Variants in GNAQ observed in about 807,000 individuals in gnomAD.
GNAQ encodes G protein subunit alpha q.
A neutral mutation model predicts 43.9 loss-of-function variants in GNAQ; 8 were observed. The ratio of observed to expected loss-of-function variants is 0.18; its 90% confidence interval spans 0.11 to 0.33. The LOEUF is 0.33. Among genes scored for constraint, GNAQ ranks in the 10% least tolerant of loss-of-function variants. GNAQ has a pLI of 1.00. For missense variants in GNAQ, 158 were observed against 450.8 expected (o/e 0.35, Z 5.88); for synonymous variants, 155 against 170.7 (o/e 0.91, Z 0.71).
At position 78,012,993 on chromosome 9, in the gene GNAQ, CAA is replaced by C. The variant is rs575530074; in HGVS notation, c.136+18105_136+18106del. ...TTAACTTGATGCTAGCAGAGATGGACAAAAGACAGTGAAGAAAGGGGGCGTAA... is the reference window on the plus strand; with the variant it reads ...TTAACTTGATGCTAGCAGAGATGGACAAGACAGTGAAGAAAGGGGGCGTAA... On this transcript the variant is annotated intron_variant, in intron 1 of 6. Transcript: ENST00000286548. Among the ~76,000 whole-genome samples, 241 of 151,974 alleles carry C rather than the reference CAA, an allele frequency of 1.6e-3. 1 individual carries two copies. Among genetic ancestry groups the C allele is most frequent in the African/African-American group, 5.5e-3 (229 of 41,416 alleles).
chr9:77,940,975 A>T (rs1829308039), intron 1 of GNAQ, among the ~76,000 whole-genome samples: 1 of 152,200 alleles, frequency 6.6e-6, no homozygotes. Context: ...AAAAAAAAAA[A>T]ATTTGCAAGT....
At chr9:78,017,955 T>G in intron 1 of GNAQ, among the ~76,000 whole-genome samples, 1 of 152,184 alleles carries the variant, frequency 6.6e-6, no homozygotes, top group East Asian at 1.9e-4. Context: ...CTAATAATAT[T>G]GTTCATGATG....
chr9:77,829,157 T>C (rs1248649817), intron 2 of GNAQ, among the ~76,000 whole-genome samples: 1 of 152,180 alleles, frequency 6.6e-6, no homozygotes, highest in Admixed American at 6.5e-5. Context: ...GTGTTATCAA[T>C]AGTAGGGGCT....
At chr9:77,834,406 A>G (rs1353607132) in intron 2 of GNAQ, among the ~76,000 whole-genome samples, 1 of 152,190 alleles carries the variant, frequency 6.6e-6, no homozygotes, top group Non-Finnish European at 1.5e-5. Context: ...ATATGATTTT[A>G]TATCTTTAGG....
intron 5 of GNAQ, among the ~76,000 whole-genome samples, chr9:77,744,390 C>G (rs1825698979): frequency 6.6e-6 from 1 of 152,172 alleles, no homozygotes; most frequent in African/African-American, 2.4e-5. Context: ...CCTCTTAATT[C>G]TCCCCCAACC....
At chr9:77,855,597 C>T (rs748436020) in intron 2 of GNAQ, among the ~76,000 whole-genome samples, 5 of 151,844 alleles carry the variant, frequency 3.3e-5, no homozygotes, top group African/African-American at 9.7e-5. Flanking sequence ...ATAAAAACCC[C>T]GTAATTAAAC....
chr9:77,936,483 C>T (rs77672291), intron 1 of GNAQ, among the ~76,000 whole-genome samples: 213 of 152,154 alleles, frequency 1.4e-3, no homozygotes, highest in African/African-American at 4.9e-3. Context: ...CAACCTTCCC[C>T]CTGAAATGTT....
chr9:77,818,261 A>G (rs1827053086), intron 2 of GNAQ, among the ~76,000 whole-genome samples: 1 of 152,134 alleles, frequency 6.6e-6, no homozygotes, highest in Admixed American at 6.5e-5. Flanking sequence ...GTTTCATTCC[A>G]TCCTTGCTGT....
At chr9:78,024,223 G>A (rs1823948023) in intron 1 of GNAQ, among the ~76,000 whole-genome samples, 1 of 152,136 alleles carries the variant, frequency 6.6e-6, no homozygotes, top group African/African-American at 2.4e-5. Context: ...GAACAAATGA[G>A]AGGAAGGCAA....
chr9:77,755,612 A>G (rs1364329663), intron 5 of GNAQ, among the ~76,000 whole-genome samples: 2 of 152,154 alleles, frequency 1.3e-5, no homozygotes, highest in African/African-American at 4.8e-5. Flanking sequence ...TCTTCATTTT[A>G]TTTCCTTTTT....
intron 5 of GNAQ, among the ~76,000 whole-genome samples, chr9:77,764,247 CTTAAT>C (rs1193472964): frequency 6.6e-6 from 1 of 152,112 alleles, no homozygotes; most frequent in Admixed American, 6.5e-5. Flanking sequence ...AATGCAATCT[CTTAAT>C]TTAAAGATAA....
chr9:77,985,741 C>T (rs1030176453), intron 1 of GNAQ, among the ~76,000 whole-genome samples: 11 of 152,120 alleles, frequency 7.2e-5, no homozygotes, highest in African/African-American at 2.7e-4. Context: ...CATGCACCAC[C>T]ACACCCGGCT....
intron 5 of GNAQ, among the ~76,000 whole-genome samples, chr9:77,749,184 C>T (rs1050354020): frequency 9.9e-5 from 15 of 152,170 alleles, no homozygotes; most frequent in African/African-American, 3.1e-4. Context: ...TTCTCTCTCC[C>T]CCTGGCTGCC....
In GNAQ at chr9:77,749,404, CAG is replaced by C. The variant is rs1825778837; in HGVS notation, c.736-20739_736-20738del. Among the ~76,000 whole-genome samples, 6 of 152,206 alleles carry C rather than the reference CAG, an allele frequency of 3.9e-5. No individual in the cohort carries two copies. In the South Asian group the frequency reaches 1.2e-3, roughly 31 times the overall value. On this transcript the variant is annotated intron_variant, in intron 5 of 6. Transcript: ENST00000286548. The stretch of plus-strand genomic sequence containing the variant: ...GTAGAATGTTATTCAGGAAAACAGG[CAG>C]AAGGCTTTAAATATGTTAGCAGATC...
At chr9:77,795,562 C>A (rs1342749355) in intron 4 of GNAQ, among the ~76,000 whole-genome samples, 2 of 152,148 alleles carry the variant, frequency 1.3e-5, no homozygotes, top group African/African-American at 2.4e-5. Context: ...TGCCTCCTGA[C>A]ATTAAACCTA....
intron 1 of GNAQ, among the ~76,000 whole-genome samples, chr9:77,963,815 T>G (rs1823133887): frequency 6.6e-6 from 1 of 152,218 alleles, no homozygotes; most frequent in Non-Finnish European, 1.5e-5. Context: ...GACAATTCTG[T>G]GAGAATTTTT....
At chr9:77,825,010 C>T (rs1827171593) in intron 2 of GNAQ, among the ~76,000 whole-genome samples, 2 of 152,180 alleles carry the variant, frequency 1.3e-5, no homozygotes, top group African/African-American at 2.4e-5. Flanking sequence ...TCTTTGGGCA[C>T]AGTCTTCTGA....
rs564389126 is a variant in GNAQ, at chr9:77,983,711, T to C, written c.136+47389A>G. ...TTATGGAAACACAGAAAAGTATCTA[T>C]GCACTTAAAATCAGCATCACTAGCA... On this transcript the variant is annotated intron_variant, in intron 1 of 6. Coordinates refer to ENST00000286548, the MANE Select transcript of GNAQ (RefSeq NM_002072.5). 4.6e-4 allele frequency among the ~76,000 whole-genome samples: 70 copies of C among 152,252 alleles called. No homozygotes were observed. The South Asian group carries it at 6.4e-3, about 14-fold the overall frequency.
chr9:77,944,156 A>G (rs1054132416), intron 1 of GNAQ, among the ~76,000 whole-genome samples: 2 of 152,142 alleles, frequency 1.3e-5, no homozygotes, highest in African/African-American at 4.8e-5. Flanking sequence ...AATATTAACA[A>G]TAGGATATCT....
Sources: allele counts gnomAD v4.1 joint callset (sites outside exome capture counted in the v4.1 genomes callset), GRCh38; gene constraint gnomAD v4.1.1; transcripts MANE v1.5; gene names NCBI Gene and HGNC (gene_info 2026-07-23, HGNC 2026-07-21).